ADGRV1: variants seen among roughly 807,000 people sequenced by gnomAD.
ADGRV1 encodes G-protein coupled receptor 98.
In ADGRV1, 359 loss-of-function variants were observed where a neutral mutation model predicts 596.2. That is an observed-to-expected ratio of 0.60 (90% CI 0.55 to 0.66). The LOEUF is 0.66. ADGRV1 is among the 30% of genes least tolerant of loss of function. The pLI is 0.00. For missense variants in ADGRV1, 7,274 were observed against 7,575.6 expected (o/e 0.96, Z 1.48); for synonymous variants, 2,681 against 2,679.2 (o/e 1.00, Z -0.02).
intron 83 of ADGRV1, among the ~76,000 whole-genome samples, chr5:90,919,491 A>G (rs1773681984): frequency 6.6e-6 from 1 of 152,214 alleles, no homozygotes; most frequent in South Asian, 2.1e-4. Flanking sequence ...GATTATGACT[A>G]TAACTGAGAT....
chr5:90,691,023 C>A lies in ADGRV1; in HGVS notation c.6933C>A (p.Asp2311Glu), dbSNP rs775045285. Residue 2311 changes from aspartate to glutamate, a missense_variant, in exon 31 of 90, where the codon GAC becomes GAA. By Grantham distance (45) the Asp-to-Glu change is conservative (BLOSUM62 2). This residue lies in a region of ADGRV1 where 3,643 missense variants were observed against 3,809.2 expected (regional missense o/e 0.96). Coordinates refer to ENST00000405460, the MANE Select transcript of ADGRV1 (RefSeq NM_032119.4). ...QTLLLEVLAD[D>E]VPEIEEVIQV... ...TGTTGTTAGAGGTCCTGGCTGACGA[C>A]GTTCCGGAGATTGAAGAGGTGAGAG... 9 of 1,613,504 alleles carry A rather than the reference C, an allele frequency of 5.6e-6. No individual in the cohort carries two copies. Among genetic ancestry groups the A allele is most frequent in the Non-Finnish European group, 7.6e-6 (9 of 1,179,594 alleles).
At chr5:90,621,815 A>G (rs1764115231) in intron 4 of ADGRV1, among the ~76,000 whole-genome samples, 1 of 152,126 alleles carries the variant, frequency 6.6e-6, no homozygotes, top group Non-Finnish European at 1.5e-5. Context: ...TTATGTTGGT[A>G]GTGAAGATGA....
At chr5:91,058,092 A>C (rs982791702) in intron 85 of ADGRV1, among the ~76,000 whole-genome samples, 2 of 152,192 alleles carry the variant, frequency 1.3e-5, no homozygotes, top group Non-Finnish European at 2.9e-5. Flanking sequence ...AAAACATTTT[A>C]GGTTATTTTT....
Position 90,722,716 on chromosome 5 carries a change from C to CAAAAA in ADGRV1, c.9748+1693_9748+1697dup, listed in dbSNP as rs55761821. Among the ~76,000 whole-genome samples the CAAAAA allele has an allele frequency of 8.5e-4, 28 of 32,896 alleles. 4 individuals carry two copies. The highest frequency in any genetic ancestry group is 3.0e-3 in the African/African-American group (24 of 8,124). The allele number at this position is 32,896 out of a possible 152,430, so 21.6% of individuals were successfully genotyped here. ...GGCAACAAGAGCAAAAACTCCGTCT[C>CAAAAA]AAAAAAAAAAAAAAAAAAAAAAAAA... On this transcript the variant is annotated intron_variant, in intron 45 of 89. Transcript: ENST00000405460.
intron 86 of ADGRV1, among the ~76,000 whole-genome samples, chr5:91,080,448 C>CATCAATACT (rs1789239995): frequency 6.6e-6 from 1 of 152,110 alleles, no homozygotes; most frequent in African/African-American, 2.4e-5. Context: ...TTGTTGTTCA[C>CATCAATACT]ATCAATACTT....
intron 60 of ADGRV1, among the ~76,000 whole-genome samples, chr5:90,774,797 G>A (rs1040273705): frequency 6.6e-5 from 10 of 152,162 alleles, no homozygotes; most frequent in African/African-American, 1.9e-4. Flanking sequence ...TGTCTTACAT[G>A]AGGTTGGAAT....
At chr5:90,865,574 C>A (rs1768015563) in intron 83 of ADGRV1, among the ~76,000 whole-genome samples, 1 of 152,002 alleles carries the variant, frequency 6.6e-6, no homozygotes. Flanking sequence ...ATACATGAAA[C>A]AATGTGGCAT....
intron 60 of ADGRV1, among the ~76,000 whole-genome samples, chr5:90,775,488 T>A (rs1758127474): frequency 1.3e-5 from 2 of 152,076 alleles, no homozygotes; most frequent in South Asian, 2.1e-4. Flanking sequence ...ATCAAAAAAA[T>A]TTTTTTGAGG....
chr5:91,111,103 T>C (rs1022830667), intron 87 of ADGRV1, among the ~76,000 whole-genome samples: 7 of 152,192 alleles, frequency 4.6e-5, no homozygotes, highest in Admixed American at 2.6e-4. Context: ...AAATAAGTGA[T>C]TGAAAGATAG....
chr5:90,675,309 G>A lies in ADGRV1; in HGVS notation c.5177G>A (p.Ser1726Asn). 1 of 1,613,854 alleles carries A rather than the reference G, an allele frequency of 6.2e-7. No individual in the cohort carries two copies. The highest frequency in any genetic ancestry group is 8.5e-7 in the Non-Finnish European group (1 of 1,179,836). The change falls in exon 24 of 90, where the codon AGC becomes AAC. Residue 1726 changes from serine to asparagine, a missense_variant. By Grantham distance (46) the Ser-to-Asn change is conservative. Coordinates refer to ENST00000405460, the MANE Select transcript of ADGRV1 (RefSeq NM_032119.4). ...PKDAMTLPAS[S>N]VPHITVEEED... is the part of the protein sequence containing the mutation. ...GACGCAATGACCCTGCCTGCAAGCA[G>A]CGTTCCACATATCACTGTGGAGGAG...
intron 21 of ADGRV1, among the ~76,000 whole-genome samples, chr5:90,662,145 C>T (rs1299156597): frequency 6.6e-6 from 1 of 150,778 alleles, no homozygotes; most frequent in Non-Finnish European, 1.5e-5. Flanking sequence ...CAATAATTAT[C>T]AGCCTTTTGG....
chr5:91,153,201 C>A lies in ADGRV1; in HGVS notation c.18625-20C>A, dbSNP rs2126913854. ...CATTCATATTATGGTTTCTTTTTCCCCCCATCCCAATCTAAAAAGGTGCCA... is the reference window on the plus strand; with the variant it reads ...CATTCATATTATGGTTTCTTTTTCCACCCATCCCAATCTAAAAAGGTGCCA... On this transcript the variant is annotated intron_variant, in intron 88 of 89. Coordinates refer to ENST00000405460, the MANE Select transcript of ADGRV1 (RefSeq NM_032119.4). 6.3e-7 allele frequency: 1 copy of A among 1,587,980 alleles called. No individual in the cohort carries two copies. Among genetic ancestry groups the A allele is most frequent in the East Asian group, 2.3e-5 (1 of 43,650 alleles).
intron 83 of ADGRV1, chr5:90,929,404 TC>T (rs1375677882): frequency 2.0e-5 from 3 of 153,268 alleles, no homozygotes; most frequent in African/African-American, 7.2e-5. Context: ...TCCAGGTGCG[TC>T]CGTCACCCCT....
intron 89 of ADGRV1, 79 bp downstream of exon 89, chr5:91,153,477 G>A: frequency 2.8e-6 from 3 of 1,054,538 alleles, no homozygotes; most frequent in East Asian, 2.6e-5. Context: ...CCATGAAGTT[G>A]CAAAGTACTA....
chr5:90,645,427 C>T (rs72782749), intron 15 of ADGRV1, among the ~76,000 whole-genome samples: 2,911 of 152,088 alleles, frequency 0.019, 47 homozygotes, highest in Middle Eastern at 0.031. Flanking sequence ...ACAGGGATGA[C>T]GTGAAAAAGA....
intron 87 of ADGRV1, among the ~76,000 whole-genome samples, chr5:91,123,877 G>C (rs1793532033): frequency 6.6e-6 from 1 of 152,168 alleles, no homozygotes; most frequent in Non-Finnish European, 1.5e-5. Context: ...TCCTAGCAGG[G>C]AGTGGAGGGT....
At chr5:90,607,551 C>T (rs1470967056) in intron 1 of ADGRV1, among the ~76,000 whole-genome samples, 2 of 152,114 alleles carry the variant, frequency 1.3e-5, no homozygotes, top group Non-Finnish European at 2.9e-5. Context: ...TTTTTTACCC[C>T]CTTCTACTAG....
In ADGRV1 at chr5:90,871,056, A is replaced by G. The variant is rs1768620221; in HGVS notation, c.17856+7199A>G. ...ATCCAAATTTCTGTGATGGCCTTAT[A>G]TTTTTGGTATTGTTACTATTGAACT... is the stretch of plus-strand genomic sequence containing the variant. On this transcript the variant is annotated intron_variant, in intron 83 of 89. Transcript: ENST00000405460. Among the ~76,000 whole-genome samples, 2 of 152,126 alleles carry G rather than the reference A, an allele frequency of 1.3e-5. 1 individual carries two copies. The highest frequency in any genetic ancestry group is 4.1e-4 in the South Asian group (2 of 4,826).
intron 25 of ADGRV1, among the ~76,000 whole-genome samples, chr5:90,677,439 T>A (rs941816082): frequency 6.6e-6 from 1 of 152,182 alleles, no homozygotes; most frequent in African/African-American, 2.4e-5. Context: ...TTTCTTGTCT[T>A]CCAGAGACAA....
Sources: gnomAD v4.1 joint callset for allele counts (sites outside exome capture counted in the v4.1 genomes callset) on GRCh38, gnomAD v4.1.1 for gene constraint, gnomAD v4.1.1 regional missense constraint, MANE v1.5 for transcripts, NCBI Gene and HGNC (gene_info 2026-07-23, HGNC 2026-07-21) for gene names.